Variants in GIMD1 observed in about 807,000 individuals in gnomAD.
The protein encoded by GIMD1 is GTPase IMAP family member GIMD1.
A neutral mutation model predicts 14.9 loss-of-function variants in GIMD1; 14 were observed. That is an observed-to-expected ratio of 0.94 (90% CI 0.62 to 1.47). GIMD1 has a LOEUF of 1.47. Among genes scored for constraint, GIMD1 ranks in the 40% most tolerant of loss-of-function variants. GIMD1 has a pLI of 0.00. For synonymous variants in GIMD1, 91 were observed against 90.5 expected (o/e 1.01, Z -0.03); for missense variants, 272 against 255.3 (o/e 1.07, Z -0.44).
In GIMD1 at chr4:106,363,356, C is replaced by T. The variant is rs117229554; in HGVS notation, c.393+3687G>A. 1.2e-3 allele frequency among the ~76,000 whole-genome samples: 177 copies of T among 152,130 alleles called. 3 individuals are homozygous for T. The East Asian group carries it at 0.03, about 26-fold the overall frequency. The stretch of plus-strand genomic sequence containing the variant: ...ATGAAGTTTACAGAAGTTACTTGCC[C>T]GAGATCACAAAGCAAATAAGTAGCT... On this transcript the variant is annotated intron_variant, in intron 2 of 2. Transcript: ENST00000638719.
At chr4:106,362,326 C>T (rs1306926676) in intron 2 of GIMD1, among the ~76,000 whole-genome samples, 2 of 151,964 alleles carry the variant, frequency 1.3e-5, no homozygotes, top group Non-Finnish European at 2.9e-5. Context: ...ACGTTAGTGG[C>T]CAAACATGTT....
Position 106,360,278 on chromosome 4 carries a change from T to G in GIMD1, c.394-1835A>C, listed in dbSNP as rs554371977. Among the ~76,000 whole-genome samples, 4 of 152,164 alleles carry G rather than the reference T, an allele frequency of 2.6e-5. No homozygotes were observed. In the East Asian group the frequency reaches 5.8e-4, roughly 22 times the overall value. On this transcript the variant is annotated intron_variant, in intron 2 of 2. Coordinates refer to ENST00000638719, the MANE Select transcript of GIMD1 (RefSeq NM_001195138.2). Reference sequence around the variant, plus strand: ...AAAATTTTTCTATGTACACCCACCATAGAATAACTGCATATTTCTATTCCT... The same window carrying G: ...AAAATTTTTCTATGTACACCCACCAGAGAATAACTGCATATTTCTATTCCT...
chr4:106,363,850 G>A (rs901172636), intron 2 of GIMD1, among the ~76,000 whole-genome samples: 5 of 128,670 alleles, frequency 3.9e-5, no homozygotes, highest in African/African-American at 1.5e-4. Flanking sequence ...CTTGAAACTT[G>A]CTTGTACGCA....
At chr4:106,361,340 TA>T (rs1391457456) in intron 2 of GIMD1, among the ~76,000 whole-genome samples, 1 of 152,048 alleles carries the variant, frequency 6.6e-6, no homozygotes, top group Non-Finnish European at 1.5e-5. Context: ...GTTAGCATTA[TA>T]AAGGTGATCA....
chr4:106,363,306 C>A (rs1561040691), intron 2 of GIMD1, among the ~76,000 whole-genome samples: 1 of 152,098 alleles, frequency 6.6e-6, no homozygotes, highest in African/African-American at 2.4e-5. Flanking sequence ...ATGAAGCAGA[C>A]ACTACTGTCT....
In GIMD1 at chr4:106,358,115, A is replaced by G; in HGVS notation, c.*68T>C. ...ATACTTATGGTCCACATTCATGTCA[A>G]TAAAGGCATTCTTTGTAGCTAGGTT... On this transcript the variant is annotated 3_prime_UTR_variant, in exon 3 of 3. Coordinates refer to ENST00000638719, the MANE Select transcript of GIMD1 (RefSeq NM_001195138.2). The G allele has an allele frequency of 1.9e-6, 2 of 1,072,340 alleles. No individual in the cohort carries two copies. The highest frequency in any genetic ancestry group is 2.6e-6 in the Non-Finnish European group (2 of 770,960). The allele number at this position is 1,072,340 out of a possible 1,614,324, so 66.4% of individuals were successfully genotyped here.
In GIMD1 at chr4:106,358,294, G is replaced by T. The variant is rs1259336531; in HGVS notation, c.543C>A (p.Tyr181Ter). 6.5e-7 allele frequency: 1 copy of T among 1,532,310 alleles called. No homozygotes were observed. Among genetic ancestry groups the T allele is most frequent in the South Asian group, 1.2e-5 (1 of 83,466 alleles). The allele number at this position is 1,532,310 out of a possible 1,614,324, so 94.9% of individuals were successfully genotyped here. The change falls in exon 3 of 3, where the codon TAC becomes TAA. Residue 181 changes from tyrosine (Y) to a stop codon, truncating the protein, a stop_gained. Coordinates refer to ENST00000638719, the MANE Select transcript of GIMD1 (RefSeq NM_001195138.2). LOFTEE classifies it high-confidence loss of function. ...ATTTTCCTTTTTTGTACTGGAAAAC[G>T]TATTTGTGCTGAATAGAATTTAGCA... ...KTLLNSIQHK[Y>*]VFQYKKGKSL...
rs577741312 is a variant in GIMD1 at position 106,368,773 on chromosome 4, T to G, written c.-66A>C. 1 of 398,350 alleles carries G rather than the reference T, an allele frequency of 2.5e-6. No homozygotes were observed. The highest frequency in any genetic ancestry group is 2.1e-5 in the African/African-American group (1 of 48,622). The allele number at this position is 398,350 out of a possible 1,614,324, so 24.7% of individuals were successfully genotyped here. On this transcript the variant is annotated 5_prime_UTR_variant, in exon 1 of 3. Transcript: ENST00000638719. ...CTCTCGCCCTGGCACAGTTGTTCTT[T>G]CATATGAACTTTCACCTTCTGATAG...
At chr4:106,359,587 A>T (rs950909170) in intron 2 of GIMD1, among the ~76,000 whole-genome samples, 2 of 151,926 alleles carry the variant, frequency 1.3e-5, no homozygotes, top group African/African-American at 4.8e-5. Context: ...ATGTATTAGT[A>T]CAAACTCTGG....
chr4:106,364,906 T>C (rs1770672124), intron 2 of GIMD1, among the ~76,000 whole-genome samples: 2 of 152,184 alleles, frequency 1.3e-5, no homozygotes, highest in South Asian at 2.1e-4. Context: ...ATGCTAAAAC[T>C]ATTAAAACCT....
At position 106,357,951 on chromosome 4, in the gene GIMD1, A is replaced by C. The variant is rs1579654989; in HGVS notation, c.*232T>G. 2.3e-4 allele frequency: 82 copies of C among 362,924 alleles called. 1 individual carries two copies. In the South Asian group the frequency reaches 3.5e-3, roughly 15 times the overall value. The allele number at this position is 362,924 out of a possible 1,614,324, so 22.5% of individuals were successfully genotyped here. A position where few individuals can be genotyped will look rare whatever the true frequency, so the allele number is the denominator to read the frequency against. On this transcript the variant is annotated 3_prime_UTR_variant, in exon 3 of 3. Transcript: ENST00000638719. ...TTCTAGTACACAAATGTACACATTT[A>C]TGTTGGGTATACACTTAGGAGTGTA...
At chr4:106,367,483 T>C in intron 1 of GIMD1, 46 bp from the exon 2 acceptor site, 5 of 1,451,726 alleles carry the variant, frequency 3.4e-6, no homozygotes, top group Non-Finnish European at 4.5e-6. Context: ...GCTTCTACAT[T>C]CCCCCAATGT....
chr4:106,360,786 A>G (rs1770601636), intron 2 of GIMD1, among the ~76,000 whole-genome samples: 1 of 152,052 alleles, frequency 6.6e-6, no homozygotes, highest in Non-Finnish European at 1.5e-5. Context: ...GCCATCTACA[A>G]GCCAAAGAAA....
At chr4:106,365,354 T>A (rs1770680893) in intron 2 of GIMD1, among the ~76,000 whole-genome samples, 1 of 152,008 alleles carries the variant, frequency 6.6e-6, no homozygotes, top group South Asian at 2.1e-4. Context: ...TCACCCTGAT[T>A]TTTCTGCTAG....
chr4:106,366,302 C>A (rs1334517091), intron 2 of GIMD1, among the ~76,000 whole-genome samples: 1 of 152,152 alleles, frequency 6.6e-6, no homozygotes, highest in African/African-American at 2.4e-5. Context: ...GAAACCCCCT[C>A]TTTTTCATTA....
chr4:106,358,990 T>A (rs1242655387), intron 2 of GIMD1, among the ~76,000 whole-genome samples: 1 of 151,978 alleles, frequency 6.6e-6, no homozygotes, highest in Non-Finnish European at 1.5e-5. Context: ...CAAAATATTA[T>A]AACTGTGAGT....
chr4:106,362,891 G>A (rs550016287), intron 2 of GIMD1, among the ~76,000 whole-genome samples: 24 of 86,962 alleles, frequency 2.8e-4, no homozygotes, highest in African/African-American at 1.4e-3. Flanking sequence ...TTACAGATGA[G>A]GTATTGAGGA....
At chr4:106,363,009 T>A (rs180957671) in intron 2 of GIMD1, among the ~76,000 whole-genome samples, 44 of 152,106 alleles carry the variant, frequency 2.9e-4, no homozygotes, top group African/African-American at 1.0e-3. Flanking sequence ...CTCTTCAATT[T>A]AACCATACTA....
At chr4:106,366,239 C>T (rs568617867) in intron 2 of GIMD1, among the ~76,000 whole-genome samples, 4 of 152,242 alleles carry the variant, frequency 2.6e-5, no homozygotes, top group Admixed American at 2.6e-4. Context: ...AATTGTTTCC[C>T]TATGAATAAT....
Sources: allele counts gnomAD v4.1 joint callset (sites outside exome capture counted in the v4.1 genomes callset), GRCh38; gene constraint gnomAD v4.1.1; transcripts MANE v1.5; gene names NCBI Gene and HGNC (gene_info 2026-07-23, HGNC 2026-07-21).